ADGRB3: variants seen among roughly 807,000 people sequenced by gnomAD.
The protein encoded by ADGRB3 is brain-specific angiogenesis inhibitor 3.
ADGRB3 carries 37 observed loss-of-function variants against 193.4 expected under a neutral mutation model. The ratio of observed to expected loss-of-function variants is 0.19; its 90% CI spans 0.15 to 0.25. ADGRB3 has a LOEUF of 0.25. ADGRB3 is among the 10% of genes least tolerant of loss of function. ADGRB3 has a pLI of 1.00. For synonymous variants in ADGRB3, 690 were observed against 644.2 expected (o/e 1.07, Z -1.08); for missense variants, 1,637 against 1,852.9 (o/e 0.88, Z 2.14).
At chr6:68,799,539 AT>A (rs937717328) in intron 3 of ADGRB3, among the ~76,000 whole-genome samples, 8 of 152,248 alleles carry the variant, frequency 5.3e-5, no homozygotes, top group African/African-American at 9.6e-5. Flanking sequence ...CTATATTCCA[AT>A]TTTTTTAAGT....
intron 12 of ADGRB3, among the ~76,000 whole-genome samples, chr6:69,016,424 T>G (rs1488746781): frequency 6.6e-6 from 1 of 151,940 alleles, no homozygotes; most frequent in Non-Finnish European, 1.5e-5. Flanking sequence ...GTCCTCAAGG[T>G]AAACGGTAAC....
intron 3 of ADGRB3, among the ~76,000 whole-genome samples, chr6:68,661,393 G>A (rs1444081544): frequency 1.4e-5 from 1 of 69,040 alleles, no homozygotes; most frequent in Non-Finnish European, 2.8e-5. Context: ...ATATATATGT[G>A]TGTATACATA....
chr6:68,735,553 A>T (rs1765855115), intron 3 of ADGRB3, among the ~76,000 whole-genome samples: 2 of 152,120 alleles, frequency 1.3e-5, no homozygotes, highest in South Asian at 2.1e-4. Context: ...TTGTGCTCAT[A>T]TATTGATAAA....
At chr6:68,904,797 ATC>A (rs1766497441) in intron 3 of ADGRB3, among the ~76,000 whole-genome samples, 2 of 152,272 alleles carry the variant, frequency 1.3e-5, no homozygotes, top group South Asian at 2.1e-4. Flanking sequence ...CTCCTTTCAT[ATC>A]TCTCTCATGA....
At chr6:68,758,467 AT>A (rs1195381365) in intron 3 of ADGRB3, among the ~76,000 whole-genome samples, 4 of 152,122 alleles carry the variant, frequency 2.6e-5, no homozygotes, top group Non-Finnish European at 5.9e-5. Flanking sequence ...ACAAAGTTTC[AT>A]TGTGTCCCTT....
intron 3 of ADGRB3, among the ~76,000 whole-genome samples, chr6:68,661,538 CAT>C (rs66836065): frequency 0.15 from 13,941 of 91,142 alleles, 2,018 homozygotes; most frequent in Middle Eastern, 0.25. Flanking sequence ...TATGTGTATA[CAT>C]ATATATATAT....
intron 10 of ADGRB3, among the ~76,000 whole-genome samples, chr6:68,993,291 A>T (rs1467245647): frequency 6.6e-6 from 1 of 152,120 alleles, no homozygotes; most frequent in African/African-American, 2.4e-5. Flanking sequence ...TGCTGCTAAT[A>T]ACTTTCTTTG....
At chr6:68,845,350 C>G (rs751731286) in intron 3 of ADGRB3, among the ~76,000 whole-genome samples, 1 of 152,094 alleles carries the variant, frequency 6.6e-6, no homozygotes, top group Non-Finnish European at 1.5e-5. Context: ...GAACACCAAG[C>G]ACAGTGACAG....
At chr6:68,894,536 A>C (rs558617041) in intron 3 of ADGRB3, among the ~76,000 whole-genome samples, 1 of 152,062 alleles carries the variant, frequency 6.6e-6, no homozygotes, top group East Asian at 1.9e-4. Flanking sequence ...AAAAGACTGC[A>C]CTTTGTTCCC....
At chr6:69,339,060 T>A (rs1768916928) in intron 25 of ADGRB3, 46 bp downstream of exon 25, 35 of 1,587,452 alleles carry the variant, frequency 2.2e-5, no homozygotes, top group Non-Finnish European at 2.9e-5. Context: ...TCTTTTACAG[T>A]GCATGTGAGA....
chr6:69,115,716 A>G (rs1029604685), intron 17 of ADGRB3, among the ~76,000 whole-genome samples: 7 of 152,230 alleles, frequency 4.6e-5, no homozygotes, highest in Admixed American at 1.3e-4. Context: ...TTAAATTAAC[A>G]TGTTTCAAAG....
chr6:68,770,859 T>G (rs1766604038), intron 3 of ADGRB3, among the ~76,000 whole-genome samples: 2 of 152,122 alleles, frequency 1.3e-5, no homozygotes, highest in South Asian at 4.1e-4. Flanking sequence ...TGCACATCCT[T>G]AATCTTTTGT....
intron 3 of ADGRB3, among the ~76,000 whole-genome samples, chr6:68,719,811 G>GA (rs1765546402): frequency 6.6e-6 from 1 of 151,234 alleles, no homozygotes; most frequent in Admixed American, 6.6e-5. Flanking sequence ...AAGATAAAGT[G>GA]AAAAAAAGGA....
intron 3 of ADGRB3, among the ~76,000 whole-genome samples, chr6:68,831,373 T>G (rs914745084): frequency 1.3e-5 from 2 of 151,916 alleles, no homozygotes; most frequent in Non-Finnish European, 2.9e-5. Flanking sequence ...TATTCCAGAT[T>G]TTTATGGACT....
intron 3 of ADGRB3, among the ~76,000 whole-genome samples, chr6:68,730,143 T>A (rs941088548): frequency 2.0e-5 from 3 of 151,708 alleles, no homozygotes; most frequent in African/African-American, 7.2e-5. Context: ...CTTAATCAGA[T>A]GAATACTTAA....
intron 30 of ADGRB3, among the ~76,000 whole-genome samples, chr6:69,378,908 T>G: frequency 6.6e-6 from 1 of 152,020 alleles, no homozygotes; most frequent in Non-Finnish European, 1.5e-5. Context: ...ATAGAATCAC[T>G]TTTTCTCTAA....
intron 3 of ADGRB3, among the ~76,000 whole-genome samples, chr6:68,912,471 A>G (rs1331653298): frequency 6.6e-6 from 1 of 151,572 alleles, no homozygotes; most frequent in African/African-American, 2.4e-5. Context: ...GCACTCATTA[A>G]CTCATCATTT....
intron 30 of ADGRB3, among the ~76,000 whole-genome samples, chr6:69,380,199 T>C (rs1562004565): frequency 6.6e-6 from 1 of 151,966 alleles, no homozygotes; most frequent in Non-Finnish European, 1.5e-5. Flanking sequence ...CTTTATCTGG[T>C]GTAAGTATTT....
At chr6:68,658,212 A>G (rs138915716) in intron 3 of ADGRB3, among the ~76,000 whole-genome samples, 5 of 151,394 alleles carry the variant, frequency 3.3e-5, no homozygotes, top group African/African-American at 7.2e-5. Flanking sequence ...ATAGTATCAC[A>G]TTGAGAAGAG....
Sources: allele counts gnomAD v4.1 joint callset (sites outside exome capture counted in the v4.1 genomes callset), GRCh38; gene constraint gnomAD v4.1.1; transcripts MANE v1.5; gene names NCBI Gene and HGNC (gene_info 2026-07-23, HGNC 2026-07-21).